The following LOC400499 variants were observed in gnomAD, a reference collection of about 807,000 sequenced individuals.
At chr16:11,490,230 C>T in the LOC400499 span, among the ~76,000 whole-genome samples, 5 of 151,776 alleles carry the variant, frequency 3.3e-5, no homozygotes, top group Non-Finnish European at 5.9e-5. Flanking sequence ...ACCATCTCTA[C>T]TAAAAGAATA....
the LOC400499 span, among the ~76,000 whole-genome samples, chr16:11,411,831 C>T: frequency 1.3e-5 from 2 of 148,796 alleles, no homozygotes; most frequent in Admixed American, 6.8e-5. Context: ...AGGGTGGTTA[C>T]AATCTCCACG....
chr16:11,463,551 CGT>C, the LOC400499 span, among the ~76,000 whole-genome samples: 2 of 151,842 alleles, frequency 1.3e-5, no homozygotes, highest in Admixed American at 6.6e-5. Context: ...CATGTATGGA[CGT>C]GTGTGTGAAC....
chr16:11,527,317 G>C, the LOC400499 span, among the ~76,000 whole-genome samples: 1 of 152,076 alleles, frequency 6.6e-6, no homozygotes, highest in Non-Finnish European at 1.5e-5. Flanking sequence ...GGGAGGTGGG[G>C]GGCATTCAGA....
At chr16:11,438,607 C>CAAAAA in the LOC400499 span, among the ~76,000 whole-genome samples, 26 of 59,832 alleles carry the variant, frequency 4.3e-4, no homozygotes, top group African/African-American at 1.8e-3. Context: ...CCTGTCTCTG[C>CAAAAA]AAAAAAAAAA....
chr16:11,464,826 G>A, the LOC400499 span, among the ~76,000 whole-genome samples: 1 of 152,186 alleles, frequency 6.6e-6, no homozygotes, highest in Non-Finnish European at 1.5e-5. Context: ...AGATCCACGG[G>A]GAGGTAGAGG....
At chr16:11,393,164 C>CCCCCCTT in the LOC400499 span, among the ~76,000 whole-genome samples, 1 of 115,066 alleles carries the variant, frequency 8.7e-6, no homozygotes, top group African/African-American at 2.9e-5. Context: ...ACCCCCCCCC[C>CCCCCCTT]TTTTTTTTAA....
the LOC400499 span, among the ~76,000 whole-genome samples, chr16:11,524,415 C>T: frequency 7.0e-6 from 1 of 142,876 alleles, no homozygotes; most frequent in Admixed American, 7.1e-5. Flanking sequence ...CAGGTGCACA[C>T]AGCTGGCTAA....
chr16:11,383,051 AAG>A, the LOC400499 span, among the ~76,000 whole-genome samples: 1 of 151,192 alleles, frequency 6.6e-6, no homozygotes, highest in Non-Finnish European at 1.5e-5. Flanking sequence ...AGAGAGTACA[AAG>A]AGAGGAGGTG....
the LOC400499 span, among the ~76,000 whole-genome samples, chr16:11,438,932 T>C: frequency 2.0e-5 from 3 of 152,062 alleles, no homozygotes; most frequent in Non-Finnish European, 4.4e-5. Context: ...CCACCTCTAA[T>C]TTTTTTTATT....
chr16:11,396,714 G>A, the LOC400499 span: 6 of 1,230,482 alleles, frequency 4.9e-6, no homozygotes, highest in Non-Finnish European at 6.1e-6. Flanking sequence ...AGGCACAGGG[G>A]TGGCAGCTTC....
the LOC400499 span, chr16:11,521,957 A>C: frequency 2.5e-6 from 1 of 399,222 alleles, no homozygotes; most frequent in Non-Finnish European, 4.4e-6. Flanking sequence ...CTCACCCATA[A>C]AGCCATCTGG....
the LOC400499 span, chr16:11,473,140 T>TAAATAAAA: frequency 2.7e-5 from 4 of 148,974 alleles, no homozygotes; most frequent in East Asian, 5.9e-4. Context: ...AATAAATAAA[T>TAAATAAAA]AAAATAAAAA....
At chr16:11,511,858 T>G in the LOC400499 span, among the ~76,000 whole-genome samples, 1 of 150,364 alleles carries the variant, frequency 6.7e-6, no homozygotes, top group Non-Finnish European at 1.5e-5. Context: ...AAGACCCGAT[T>G]TCTACAAAAA....
At chr16:11,498,301 T>G in the LOC400499 span, among the ~76,000 whole-genome samples, 1 of 152,074 alleles carries the variant, frequency 6.6e-6, no homozygotes, top group African/African-American at 2.4e-5. Flanking sequence ...GCCAACATGG[T>G]GAAATCCCAT....
the LOC400499 span, among the ~76,000 whole-genome samples, chr16:11,502,388 C>G: frequency 2.6e-5 from 4 of 152,206 alleles, no homozygotes; most frequent in Non-Finnish European, 5.9e-5. Flanking sequence ...AGCATACAAG[C>G]TGGCTCATTT....
the LOC400499 span, among the ~76,000 whole-genome samples, chr16:11,479,841 G>C: frequency 6.6e-6 from 1 of 152,068 alleles, no homozygotes; most frequent in Non-Finnish European, 1.5e-5. Context: ...TCCGTCCCGA[G>C]ATCCAATCAA....
At chr16:11,385,222 G>A in the LOC400499 span, 2 of 1,232,342 alleles carry the variant, frequency 1.6e-6, no homozygotes, top group Non-Finnish European at 2.0e-6. Context: ...TGCAGACTGG[G>A]GTAGAGGATG....
chr16:11,388,370 C>A, the LOC400499 span, among the ~76,000 whole-genome samples: 1 of 152,152 alleles, frequency 6.6e-6, no homozygotes, highest in African/African-American at 2.4e-5. Context: ...GGAGTCTTTT[C>A]CCCATGATGT....
the LOC400499 span, among the ~76,000 whole-genome samples, chr16:11,490,849 T>C: frequency 1.3e-5 from 2 of 152,204 alleles, no homozygotes; most frequent in Non-Finnish European, 2.9e-5. Flanking sequence ...ACAGTGTGTA[T>C]CTTCAGGACA....
Sources: allele counts gnomAD v4.1 joint callset (sites outside exome capture counted in the v4.1 genomes callset), GRCh38; gene constraint gnomAD v4.1.1; transcripts MANE v1.5.